ABCG1: variants seen among roughly 807,000 people sequenced by gnomAD.
ABCG1 encodes the protein ATP-binding cassette sub-family G member 1.
Under a neutral mutation model 69.2 loss-of-function variants are expected in ABCG1, and 29 were observed. That is an observed-to-expected ratio of 0.42 (90% CI 0.31 to 0.57). The LOEUF (loss-of-function observed/expected upper bound fraction) is 0.57, where lower values mean the gene tolerates loss of function less well. Among genes scored for constraint, ABCG1 ranks in the 20% least tolerant of loss-of-function variants. The pLI is 0.15. For synonymous variants in ABCG1, 370 were observed against 374.8 expected, an observed-to-expected ratio of 0.99 and a Z score of 0.15; for missense variants, 718 against 898.1, an observed-to-expected ratio of 0.80 and a Z score of 2.56.
intron 10 of ABCG1, 94 bp from the exon 11 acceptor site, chr21:42,289,956 A>T: frequency 7.0e-7 from 1 of 1,434,204 alleles, no homozygotes; most frequent in Middle Eastern, 1.9e-4. Context: ...CACAGAGTTC[A>T]GGGTCCCATG....
upstream of ABCG1, among the ~76,000 whole-genome samples, chr21:42,216,392 G>A (rs1462642429): frequency 1.8e-5 from 2 of 113,570 alleles, no homozygotes; most frequent in African/African-American, 5.5e-5. Flanking sequence ...TTGATCCTCA[G>A]GGTTCTACTT....
upstream of ABCG1, among the ~76,000 whole-genome samples, chr21:42,212,426 T>C (rs757197290): frequency 4.6e-5 from 7 of 151,870 alleles, no homozygotes; most frequent in Non-Finnish European, 7.4e-5. Flanking sequence ...ATCAGAATGC[T>C]GATAGAAGTA....
rs201486066 is a variant in ABCG1, at chr21:42,201,836, G to A, written c.48+113G>A. On this transcript the variant is annotated intron_variant, in intron 2 of 15. Transcript: ENST00000398457. Reference sequence around the variant, plus strand: ...TAGTCTAGAGATGATTCTTGGTGTGGGCTGTGGGAGCTCCTGCGGTGTAGT... The same window carrying A: ...TAGTCTAGAGATGATTCTTGGTGTGAGCTGTGGGAGCTCCTGCGGTGTAGT... 5.0e-4 allele frequency: 795 copies of A among 1,577,728 alleles called. 7 individuals are homozygous for A. The South Asian group carries it at 8.3e-3, about 16-fold the overall frequency.
chr21:42,211,724 A>AC (rs2067591183), upstream of ABCG1, among the ~76,000 whole-genome samples: 1 of 145,864 alleles, frequency 6.9e-6, no homozygotes, highest in Admixed American at 6.8e-5. Flanking sequence ...TACTAAAAAT[A>AC]CAAAAAAAAA....
chr21:42,244,719 C>T (rs1049334996), intron 2 of ABCG1, among the ~76,000 whole-genome samples: 3 of 152,194 alleles, frequency 2.0e-5, no homozygotes, highest in Admixed American at 2.0e-4. Context: ...ACCTTCTTGC[C>T]ACTGACACTC....
chr21:42,212,845 T>C (rs544441390), upstream of ABCG1, among the ~76,000 whole-genome samples: 19 of 151,974 alleles, frequency 1.3e-4, 1 homozygote, highest in South Asian at 6.2e-4. Flanking sequence ...AGGTGCCCGC[T>C]ACCATGCCCG....
intron 2 of ABCG1, among the ~76,000 whole-genome samples, chr21:42,243,814 C>CTTTT (rs11402831): frequency 1.3e-3 from 126 of 94,226 alleles, no homozygotes; most frequent in East Asian, 2.2e-3. Flanking sequence ...TTATCTTTGG[C>CTTTT]TTTTTTTTTT....
rs9975490 is a variant in ABCG1 at position 42,219,956 on chromosome 21, C to T, written c.42+652C>T. 9 of 1,551,388 alleles carry T rather than the reference C, an allele frequency of 5.8e-6. No individual in the cohort carries two copies. In the East Asian group the frequency reaches 2.2e-4, roughly 38 times the overall value. On this transcript the variant is annotated intron_variant, in intron 1 of 14. Transcript: ENST00000398449. This position sits in a 1 kb window ranked among gnomAD's most constrained non-coding sequence, Gnocchi z 5.3. ...TTTCTGCGCGCGCCGGAGAGAGAGA[C>T]GCGGTGGGGACAGGGATGCGCATTT... is the stretch of plus-strand genomic sequence containing the variant.
chr21:42,269,530 C>T (rs905888734), intron 2 of ABCG1, among the ~76,000 whole-genome samples: 1 of 152,224 alleles, frequency 6.6e-6, no homozygotes, highest in Non-Finnish European at 1.5e-5. Context: ...GCTCTCCAGC[C>T]CCAGCCCTTT....
chr21:42,261,126 C>A (rs2068403560), intron 2 of ABCG1, among the ~76,000 whole-genome samples: 1 of 152,112 alleles, frequency 6.6e-6, no homozygotes, highest in Non-Finnish European at 1.5e-5. Context: ...CGGCCCCTCT[C>A]TCCCGTTTTC....
At chr21:42,278,852 G>A (rs143915951) in intron 5 of ABCG1, among the ~76,000 whole-genome samples, 201 of 152,164 alleles carry the variant, frequency 1.3e-3, no homozygotes, top group African/African-American at 4.5e-3. Flanking sequence ...GAGCCAGGGC[G>A]ACCTTCACTC....
intron 2 of ABCG1, among the ~76,000 whole-genome samples, chr21:42,263,139 T>G (rs1266339461): frequency 6.6e-6 from 1 of 152,176 alleles, no homozygotes; most frequent in East Asian, 1.9e-4. Context: ...CTTCCTGAAA[T>G]TCCTTCTAGA....
At chr21:42,253,025 ACG>A (rs747849639) in intron 2 of ABCG1, among the ~76,000 whole-genome samples, 3 of 152,110 alleles carry the variant, frequency 2.0e-5, no homozygotes, top group Non-Finnish European at 4.4e-5. Context: ...CAGTCTCGGC[ACG>A]CCTGGATGCC....
intron 2 of ABCG1, among the ~76,000 whole-genome samples, chr21:42,206,383 T>TAAATAAACAAAC (rs1328444561): frequency 2.8e-5 from 4 of 144,434 alleles, no homozygotes; most frequent in African/African-American, 1.1e-4. Context: ...AATAAATAAA[T>TAAATAAACAAAC]AAACAAACAA....
At chr21:42,246,356 A>G (rs930717685) in intron 2 of ABCG1, among the ~76,000 whole-genome samples, 1 of 152,264 alleles carries the variant, frequency 6.6e-6, no homozygotes, top group Non-Finnish European at 1.5e-5. Flanking sequence ...CTGGCAAAAC[A>G]ATAAAGCTGT....
intron 2 of ABCG1, among the ~76,000 whole-genome samples, 169 bp from the exon 3 acceptor site, chr21:42,270,901 C>G (rs1164771061): frequency 2.0e-5 from 3 of 152,166 alleles, no homozygotes; most frequent in African/African-American, 7.2e-5. Context: ...AGACGTAGAC[C>G]AGGGAATTCG....
chr21:42,205,606 A>G (rs1394246160), intron 2 of ABCG1, among the ~76,000 whole-genome samples: 1 of 151,984 alleles, frequency 6.6e-6, no homozygotes, highest in Non-Finnish European at 1.5e-5. Context: ...TCAAAAAAAA[A>G]AAAAGAAAGA....
upstream of ABCG1, among the ~76,000 whole-genome samples, chr21:42,218,839 C>T (rs72542411): frequency 7.8e-3 from 1,186 of 152,308 alleles, 22 homozygotes; most frequent in African/African-American, 0.027. Context: ...AGTGGATTTC[C>T]GAGCCTGGGA....
At chr21:42,266,613 C>G (rs1389242019) in intron 2 of ABCG1, among the ~76,000 whole-genome samples, 1 of 152,308 alleles carries the variant, frequency 6.6e-6, no homozygotes, top group South Asian at 2.1e-4. Flanking sequence ...CTGGAGCACT[C>G]TTCTATCCTC....
Sources: allele counts gnomAD v4.1 joint callset (sites outside exome capture counted in the v4.1 genomes callset), GRCh38; gene constraint gnomAD v4.1.1; non-coding constraint Gnocchi (gnomAD v3.1); transcripts MANE v1.5; gene names NCBI Gene and HGNC (gene_info 2026-07-23, HGNC 2026-07-21).